Variants in KANSL3 observed in about 807,000 individuals in gnomAD.
The protein encoded by KANSL3 is NSL complex protein NSL3.
A neutral mutation model predicts 89.2 loss-of-function variants in KANSL3; 16 were observed. The observed-to-expected ratio is 0.18, with a 90% CI of 0.12 to 0.27. KANSL3 has a LOEUF of 0.27. Among genes scored for constraint, KANSL3 ranks in the 10% least tolerant of loss-of-function variants. KANSL3 has a pLI of 1.00. For missense variants in KANSL3, 879 were observed against 1,110.6 expected (o/e 0.79, Z 2.96); for synonymous variants, 385 against 419.7 (o/e 0.92, Z 1.01).
chr2:96,619,771 G>C lies in KANSL3; in HGVS notation c.387-9C>G. 6.4e-7 allele frequency: 1 copy of C among 1,550,758 alleles called. No individual in the cohort carries two copies. Among genetic ancestry groups the C allele is most frequent in the Non-Finnish European group, 8.7e-7 (1 of 1,145,606 alleles). On this transcript the variant is annotated splice_polypyrimidine_tract_variant and intron_variant, in intron 3 of 20. Transcript: ENST00000431828. The stretch of plus-strand genomic sequence containing the variant: ...CCATTGTCCAGCCAGTCCTATAAGG[G>C]AAACTCTGAGGAATTATAGTCAAAC...
intron 11 of KANSL3, among the ~76,000 whole-genome samples, chr2:96,609,824 G>A (rs957859671): frequency 4.6e-5 from 7 of 151,722 alleles, no homozygotes; most frequent in Non-Finnish European, 8.8e-5. Context: ...AGGACAGTCC[G>A]CTCCAGAATT....
chr2:96,599,010 G>C (rs895713304), intron 20 of KANSL3, among the ~76,000 whole-genome samples: 2 of 150,884 alleles, frequency 1.3e-5, no homozygotes, highest in Non-Finnish European at 2.9e-5. Flanking sequence ...TCATGAGAAA[G>C]GAAAAGAATG....
In KANSL3 at chr2:96,610,490, T is replaced by C. The variant is rs566440805; in HGVS notation, c.1319+236A>G. 5 of 319,336 alleles carry C rather than the reference T, an allele frequency of 1.6e-5. No individual in the cohort carries two copies. In the East Asian group the frequency reaches 2.4e-4, roughly 15 times the overall value. The allele number at this position is 319,336 out of a possible 1,614,324, so 19.8% of individuals were successfully genotyped here. A position where few individuals can be genotyped will look rare whatever the true frequency, so the allele number is the denominator to read the frequency against. On this transcript the variant is annotated intron_variant, in intron 11 of 20. Transcript: ENST00000431828. ...GACACCAGGCCTGGCTAATTTTTTG[T>C]ATTTTTAGTAGAGACGGGGTTTCAC... is the stretch of plus-strand genomic sequence containing the variant.
At chr2:96,597,847 C>T (rs558495270) in intron 20 of KANSL3, among the ~76,000 whole-genome samples, 3 of 152,220 alleles carry the variant, frequency 2.0e-5, no homozygotes, top group South Asian at 4.1e-4. Flanking sequence ...GTGATCCACC[C>T]GCCTAGGTCT....
intron 14 of KANSL3, chr2:96,606,469 G>A (rs1244564211): frequency 6.5e-6 from 1 of 153,212 alleles, no homozygotes; most frequent in Non-Finnish European, 1.5e-5. Context: ...GAGGGAGGAG[G>A]GGTCCTGGCA....
intron 20 of KANSL3, chr2:96,600,607 G>A: frequency 1.0e-6 from 1 of 985,404 alleles, no homozygotes; most frequent in Non-Finnish European, 1.2e-6. Flanking sequence ...GGGAGACACA[G>A]GAAGGCCTTG....
At chr2:96,608,106 A>G (rs1380946414) in intron 14 of KANSL3, among the ~76,000 whole-genome samples, 1 of 152,204 alleles carries the variant, frequency 6.6e-6, no homozygotes, top group Admixed American at 6.5e-5. Context: ...GAGAATCTTA[A>G]CGCTTCAAGG....
rs1405967028 is a variant in KANSL3 at position 96,602,181 on chromosome 2, T to C, written c.2417A>G (p.Asn806Ser). The change falls in exon 19 of 21, where the codon AAT becomes AGT. Residue 806 changes from asparagine (N) to serine (S), a missense_variant. This residue lies in a region of KANSL3 where 89 missense variants were observed against 139.7 expected (regional missense o/e 0.64). Transcript: ENST00000431828. Reference protein sequence around the residue: ...KPTAIHQLLTNGGLAKLASSL... With the variant: ...KPTAIHQLLTSGGLAKLASSL... ...GCTTGCCAACTTAGCGAGGCCCCCA[T>C]TGGTCAGCAGCTGGTGGATGGCTGT... is the stretch of plus-strand genomic sequence containing the variant. The C allele has an allele frequency of 6.9e-6, 11 of 1,604,642 alleles. No individual in the cohort carries two copies. The highest frequency in any genetic ancestry group is 9.4e-6 in the Non-Finnish European group (11 of 1,175,822).
rs201072365 is a variant in KANSL3, at chr2:96,612,712, C to T, written c.912+106G>A. 4.5e-4 allele frequency: 491 copies of T among 1,086,718 alleles called. 4 individuals are homozygous for T. The East Asian group carries it at 0.011, about 25-fold the overall frequency. 67.3% of individuals were successfully genotyped at this position (1,086,718 alleles called of 1,614,324 possible). ...CATGAAAGAAGGGTTAGAGGAGGCT[C>T]CACATTCAAGTTACCCATTTTGACC... On this transcript the variant is annotated intron_variant, in intron 7 of 20. Transcript: ENST00000431828.
chr2:96,618,683 T>C (rs187830812), intron 5 of KANSL3, among the ~76,000 whole-genome samples: 3 of 152,356 alleles, frequency 2.0e-5, no homozygotes, highest in Non-Finnish European at 2.9e-5. Flanking sequence ...TAGCTATTAT[T>C]ATCAGCCACA....
intron 11 of KANSL3, 132 bp from the exon 12 acceptor site, chr2:96,609,694 G>T: frequency 2.4e-6 from 2 of 819,812 alleles, no homozygotes; most frequent in Non-Finnish European, 4.1e-6. Flanking sequence ...CCTTAGGCAG[G>T]TAATGCAACC....
intron 20 of KANSL3, chr2:96,598,261 A>C (rs1290479616): frequency 6.8e-6 from 2 of 295,814 alleles, no homozygotes; most frequent in African/African-American, 4.5e-5. Flanking sequence ...GAGAGGGGAA[A>C]AGCACTTCCC....
chr2:96,611,173 CTGAGTTCA>C, intron 9 of KANSL3, 35 bp from the exon 10 acceptor site: 1 of 1,588,728 alleles, frequency 6.3e-7, no homozygotes, highest in South Asian at 1.1e-5. Flanking sequence ...TAAACGTCAA[CTGAGTTCA>C]TGGCACCTCA....
chr2:96,612,260 A>G (rs753710310), intron 9 of KANSL3, 22 bp downstream of exon 9: 5 of 1,572,930 alleles, frequency 3.2e-6, no homozygotes, highest in South Asian at 2.2e-5. Context: ...GACAACCTCC[A>G]AATAAGATAG....
chr2:96,609,073 G>A lies in KANSL3; in HGVS notation c.1384-9C>T. The A allele has an allele frequency of 1.3e-6, 2 of 1,554,160 alleles. No homozygotes were observed. Among genetic ancestry groups the A allele is most frequent in the South Asian group, 1.2e-5 (1 of 84,180 alleles). On this transcript the variant is annotated splice_polypyrimidine_tract_variant and intron_variant, in intron 12 of 20. Transcript: ENST00000431828. ...AAGTCCACAATCTCATCCTAGTGTAGAGAGGAGCCAACCAAGGCCTTTTAG... is the reference window on the plus strand; with the variant it reads ...AAGTCCACAATCTCATCCTAGTGTAAAGAGGAGCCAACCAAGGCCTTTTAG...
At chr2:96,611,484 C>T (rs1341927594) in intron 9 of KANSL3, among the ~76,000 whole-genome samples, 1 of 152,188 alleles carries the variant, frequency 6.6e-6, no homozygotes, top group African/African-American at 2.4e-5. Context: ...CAAGAGAACA[C>T]AATGTTGCCA....
intron 20 of KANSL3, among the ~76,000 whole-genome samples, chr2:96,598,586 A>G (rs911833818): frequency 1.3e-5 from 2 of 152,212 alleles, no homozygotes; most frequent in Non-Finnish European, 2.9e-5. Context: ...TAGGAAACCT[A>G]TTAAAGTAAC....
In KANSL3 at chr2:96,623,772, T is replaced by TA. The variant is rs894880347; in HGVS notation, c.387-4011dup. On this transcript the variant is annotated intron_variant, in intron 3 of 20. Transcript: ENST00000431828. Reference sequence around the variant, plus strand: ...ATTACCTCTAAGTTCCTTCTAACAATAAAAAAAAATTCAGGTTAGCTATGA... The same window carrying TA: ...ATTACCTCTAAGTTCCTTCTAACAATAAAAAAAAAATTCAGGTTAGCTATGA... Among the ~76,000 whole-genome samples, 8 of 151,588 alleles carry TA rather than the reference T, an allele frequency of 5.3e-5. No individual in the cohort carries two copies. The South Asian group carries it at 8.3e-4, about 16-fold the overall frequency.
intron 2 of KANSL3, chr2:96,634,303 C>T (rs1283134029): frequency 1.3e-5 from 2 of 152,262 alleles, no homozygotes; most frequent in African/African-American, 2.4e-5. Context: ...AGGTGGATTG[C>T]TTAAAGTCAT....
Sources: gnomAD v4.1 joint callset for allele counts (sites outside exome capture counted in the v4.1 genomes callset) on GRCh38, gnomAD v4.1.1 for gene constraint, gnomAD v4.1.1 regional missense constraint, MANE v1.5 for transcripts, NCBI Gene and HGNC (gene_info 2026-07-23, HGNC 2026-07-21) for gene names.